Variants in ERBB4 observed in about 807,000 individuals in gnomAD.
The protein encoded by ERBB4 is receptor tyrosine-protein kinase erbB-4.
In ERBB4, 42 loss-of-function variants were observed where a neutral mutation model predicts 158.0. The ratio of observed to expected loss-of-function variants is 0.27; its 90% CI spans 0.21 to 0.34. ERBB4 has a LOEUF of 0.34. ERBB4 is among the 10% of genes least tolerant of loss of function. The pLI, the probability that ERBB4 is intolerant of heterozygous loss-of-function variation, is 1.00. For missense variants in ERBB4, 1,333 were observed against 1,624.1 expected, an observed-to-expected ratio of 0.82 and a Z score of 3.08; for synonymous variants, 583 against 558.7, an observed-to-expected ratio of 1.04 and a Z score of -0.61.
At chr2:212,325,911 C>T (rs959472410) in intron 1 of ERBB4, among the ~76,000 whole-genome samples, 2 of 150,352 alleles carry the variant, frequency 1.3e-5, no homozygotes, top group African/African-American at 2.4e-5. Context: ...ATAATTTTAT[C>T]GGTCTAAGTA....
At chr2:211,699,330 G>T (rs1341532992) in intron 12 of ERBB4, among the ~76,000 whole-genome samples, 3 of 152,130 alleles carry the variant, frequency 2.0e-5, no homozygotes, top group Non-Finnish European at 4.4e-5. Flanking sequence ...CATCTTGTGT[G>T]TGTGTGATAT....
intron 19 of ERBB4, among the ~76,000 whole-genome samples, chr2:211,590,201 T>C (rs984814812): frequency 4.6e-5 from 7 of 152,338 alleles, no homozygotes; most frequent in South Asian, 2.1e-4. Context: ...GACTCCATCG[T>C]GCCTCTAACC....
At chr2:211,863,240 C>CA (rs2078113783) in intron 3 of ERBB4, among the ~76,000 whole-genome samples, 1 of 152,108 alleles carries the variant, frequency 6.6e-6, no homozygotes, top group Non-Finnish European at 1.5e-5. Context: ...GTAAATGCAC[C>CA]AATCAGCAAT....
At chr2:211,522,926 T>G (rs1346259544) in intron 20 of ERBB4, among the ~76,000 whole-genome samples, 1 of 151,930 alleles carries the variant, frequency 6.6e-6, no homozygotes, top group African/African-American at 2.4e-5. Flanking sequence ...ATTGAAGTGA[T>G]CTGGAGCTGA....
At chr2:211,772,327 G>A (rs1193630938) in intron 4 of ERBB4, among the ~76,000 whole-genome samples, 1 of 152,120 alleles carries the variant, frequency 6.6e-6, no homozygotes, top group African/African-American at 2.4e-5. Flanking sequence ...AAGAAATCAT[G>A]CTTTTGGAAA....
chr2:212,032,885 A>AT (rs966295280), intron 2 of ERBB4, among the ~76,000 whole-genome samples: 17 of 152,090 alleles, frequency 1.1e-4, no homozygotes, highest in Middle Eastern at 6.8e-3. Context: ...AAGTTCAGTT[A>AT]TTTTTTCTCA....
At position 212,152,834 on chromosome 2, in the gene ERBB4, C is replaced by G. The variant is rs73071241; in HGVS notation, c.83-27931G>C. On this transcript the variant is annotated intron_variant, in intron 1 of 27. Transcript: ENST00000342788. Reference sequence around the variant, plus strand: ...TGACCACCAATAGCACTTAGCTACTCCAGGAAGAATGCTGAGTTATGACAT... The same window carrying G: ...TGACCACCAATAGCACTTAGCTACTGCAGGAAGAATGCTGAGTTATGACAT... Among the ~76,000 whole-genome samples the G allele has an allele frequency of 7.4e-3, 1,125 of 152,260 alleles. 9 individuals are homozygous for G. The highest frequency in any genetic ancestry group is 0.025 in the African/African-American group (1,036 of 41,546).
chr2:211,511,194 T>G (rs937338381), intron 20 of ERBB4, among the ~76,000 whole-genome samples: 1 of 151,480 alleles, frequency 6.6e-6, no homozygotes, highest in Non-Finnish European at 1.5e-5. Flanking sequence ...TTAAAAATTC[T>G]CTTAAGTTTT....
At chr2:212,393,861 T>C (rs1162315507) in intron 1 of ERBB4, among the ~76,000 whole-genome samples, 1 of 152,094 alleles carries the variant, frequency 6.6e-6, no homozygotes, top group Non-Finnish European at 1.5e-5. Context: ...GCCAATGAAA[T>C]AGTAAAAGAA....
chr2:212,327,474 C>A (rs12473610), intron 1 of ERBB4, among the ~76,000 whole-genome samples: 25,957 of 151,810 alleles, frequency 0.17, 2,364 homozygotes, highest in South Asian at 0.26. Flanking sequence ...TAAGTATTAA[C>A]AAGAAAAGAA....
chr2:212,216,017 C>T (rs2083087303), intron 1 of ERBB4, among the ~76,000 whole-genome samples: 1 of 151,328 alleles, frequency 6.6e-6, no homozygotes. Flanking sequence ...TTGGTCATAA[C>T]ATAATTTTAA....
At chr2:212,386,909 T>C (rs543990380) in intron 1 of ERBB4, among the ~76,000 whole-genome samples, 6 of 152,222 alleles carry the variant, frequency 3.9e-5, no homozygotes, top group Admixed American at 1.3e-4. Flanking sequence ...GTCTTATTCA[T>C]CTGTACATTT....
intron 3 of ERBB4, among the ~76,000 whole-genome samples, chr2:211,829,747 T>A (rs1235073844): frequency 6.6e-6 from 1 of 152,176 alleles, no homozygotes; most frequent in African/African-American, 2.4e-5. Context: ...CTATTGTCCT[T>A]CCTTCATTGC....
intron 1 of ERBB4, among the ~76,000 whole-genome samples, chr2:212,355,533 C>T (rs1377269646): frequency 6.6e-6 from 1 of 152,046 alleles, no homozygotes; most frequent in Admixed American, 6.6e-5. Flanking sequence ...TAAGAAATCA[C>T]CGTGCTAAAA....
chr2:212,192,007 A>ATATGTT (rs1491138840), intron 1 of ERBB4, among the ~76,000 whole-genome samples: 222 of 98,998 alleles, frequency 2.2e-3, no homozygotes, highest in African/African-American at 6.9e-3. Context: ...TGTTATATAT[A>ATATGTT]ATATATGTTA....
intron 1 of ERBB4, among the ~76,000 whole-genome samples, chr2:212,266,133 C>T (rs2085127362): frequency 6.6e-6 from 1 of 151,706 alleles, no homozygotes; most frequent in Admixed American, 6.6e-5. Flanking sequence ...TGTCTCCTTC[C>T]CCCTTCCTTT....
At chr2:212,045,425 T>C (rs2125382766) in intron 2 of ERBB4, among the ~76,000 whole-genome samples, 1 of 152,306 alleles carries the variant, frequency 6.6e-6, no homozygotes, top group South Asian at 2.1e-4. Context: ...GCCACTGCAC[T>C]CCAGCCTGGG....
At chr2:211,431,161 A>G (rs768500817) in intron 20 of ERBB4, 61 bp from the exon 21 acceptor site, 1 of 1,507,312 alleles carries the variant, frequency 6.6e-7, no homozygotes, top group Non-Finnish European at 9.1e-7. Context: ...CCATTTTTCT[A>G]AAACAAAGTT....
In ERBB4 at chr2:211,376,936, C is replaced by T. The variant is rs1026384855; in HGVS notation, c.*6679G>A. On this transcript the variant is annotated 3_prime_UTR_variant, in exon 28 of 28. Coordinates refer to ENST00000342788, the MANE Select transcript of ERBB4 (RefSeq NM_005235.3). ...TTCAAAGTTAGCTGCCCTCACACAG[C>T]TGCTCCGTTTAATAATCGACCCATT... is the stretch of plus-strand genomic sequence containing the variant. 6.0e-5 allele frequency: 14 copies of T among 233,362 alleles called. No individual in the cohort carries two copies. In the East Asian group the frequency reaches 7.9e-4, roughly 13 times the overall value. The allele number at this position is 233,362 out of a possible 1,614,324, so 14.5% of individuals were successfully genotyped here.
Sources: gnomAD v4.1 joint callset for allele counts (sites outside exome capture counted in the v4.1 genomes callset) on GRCh38, gnomAD v4.1.1 for gene constraint, MANE v1.5 for transcripts, NCBI Gene and HGNC (gene_info 2026-07-23, HGNC 2026-07-21) for gene names.